Variants in OPCML observed in about 807,000 individuals in gnomAD.
OPCML encodes opioid-binding protein/cell adhesion molecule.
A neutral mutation model predicts 37.8 loss-of-function variants in OPCML; 13 were observed. That is an observed-to-expected ratio of 0.34 (90% CI 0.22 to 0.55). The LOEUF (loss-of-function observed/expected upper bound fraction) is 0.55. Among genes scored for constraint, OPCML ranks in the 20% least tolerant of loss-of-function variants. The probability of loss-of-function intolerance (pLI) is 0.91; values close to 1 mark genes in which losing one functional copy is unlikely to be tolerated. For missense variants in OPCML, 341 were observed against 435.6 expected (o/e 0.78, Z 1.93); for synonymous variants, 176 against 168.8 (o/e 1.04, Z -0.33).
intron 2 of OPCML, among the ~76,000 whole-genome samples, chr11:132,713,023 C>A (rs1944329310): frequency 6.6e-6 from 1 of 152,066 alleles, no homozygotes; most frequent in South Asian, 2.1e-4. Flanking sequence ...CTTTCCACAC[C>A]CCAACACAGG....
chr11:133,422,729 C>A (rs1468284579), intron 1 of OPCML: 1 of 977,698 alleles, frequency 1.0e-6, no homozygotes, highest in Non-Finnish European at 1.2e-6. Context: ...CTCATATTTC[C>A]AGTCTGTGTA....
At chr11:133,347,182 C>A (rs1944022371) in intron 1 of OPCML, among the ~76,000 whole-genome samples, 1 of 152,144 alleles carries the variant, frequency 6.6e-6, no homozygotes, top group Non-Finnish European at 1.5e-5. Context: ...TGTGCCTTTG[C>A]TTCAGTTTTA....
intron 1 of OPCML, among the ~76,000 whole-genome samples, chr11:132,959,948 G>A (rs1037198881): frequency 1.3e-5 from 2 of 152,096 alleles, no homozygotes; most frequent in South Asian, 2.1e-4. Flanking sequence ...ACTGTTACGG[G>A]GCAAAACTCC....
chr11:133,234,463 GTC>G (rs1163112089), intron 1 of OPCML, among the ~76,000 whole-genome samples: 1 of 152,214 alleles, frequency 6.6e-6, no homozygotes, highest in African/African-American at 2.4e-5. Flanking sequence ...AGGGAAGCAG[GTC>G]ATCCAGTGGA....
rs58278667 is a variant in OPCML at position 132,888,181 on chromosome 11, G to T, written c.146+54745C>A. Among the ~76,000 whole-genome samples, 53 of 152,310 alleles carry T rather than the reference G, an allele frequency of 3.5e-4. No homozygotes were observed. In the East Asian group the frequency reaches 9.3e-3, roughly 27 times the overall value. The stretch of plus-strand genomic sequence containing the variant: ...TGTAGACAGCCTGGTTTGACGTTCA[G>T]TTCCCTTTCTGTCACTAAGATGGCC... On this transcript the variant is annotated intron_variant, in intron 2 of 7. Coordinates refer to ENST00000524381, the MANE Select transcript of OPCML (RefSeq NM_001012393.5).
chr11:133,190,091 G>A (rs1380486143), intron 1 of OPCML, among the ~76,000 whole-genome samples: 1 of 152,168 alleles, frequency 6.6e-6, no homozygotes, highest in Non-Finnish European at 1.5e-5. Context: ...TAATCCTACA[G>A]ACAGTAGCAC....
At chr11:133,117,113 A>T (rs1050660006) in intron 1 of OPCML, among the ~76,000 whole-genome samples, 14 of 152,164 alleles carry the variant, frequency 9.2e-5, no homozygotes, top group Non-Finnish European at 1.6e-4. Flanking sequence ...ATTTAAAAAA[A>T]TTTTTAATAC....
At chr11:133,092,260 A>G (rs1948918225) in intron 1 of OPCML, among the ~76,000 whole-genome samples, 1 of 152,180 alleles carries the variant, frequency 6.6e-6, no homozygotes, top group South Asian at 2.1e-4. Context: ...TGAGAAATAA[A>G]TGTCTGTTGT....
At chr11:133,079,909 C>T (rs939279742) in intron 1 of OPCML, among the ~76,000 whole-genome samples, 3 of 152,212 alleles carry the variant, frequency 2.0e-5, no homozygotes, top group South Asian at 4.1e-4. Context: ...GGAAGATAGG[C>T]ATCACTCTCC....
At chr11:133,458,851 G>A (rs576817004) in intron 1 of OPCML, among the ~76,000 whole-genome samples, 6 of 146,712 alleles carry the variant, frequency 4.1e-5, no homozygotes, top group South Asian at 4.2e-4. Context: ...ATAGATGCAC[G>A]TGTGTGTGTA....
At chr11:132,993,980 T>G (rs75996174) in intron 1 of OPCML, among the ~76,000 whole-genome samples, 4,124 of 152,302 alleles carry the variant, frequency 0.027, 210 homozygotes, top group African/African-American at 0.095. Flanking sequence ...CTGAGTATTC[T>G]TCCCCGCATC....
intron 1 of OPCML, among the ~76,000 whole-genome samples, chr11:133,503,030 T>C (rs932255304): frequency 6.6e-6 from 1 of 152,130 alleles, no homozygotes; most frequent in African/African-American, 2.4e-5. Context: ...TTAATATTGA[T>C]GGGGCAGGAA....
chr11:132,553,614 A>G (rs2096387486), intron 3 of OPCML, among the ~76,000 whole-genome samples: 1 of 152,216 alleles, frequency 6.6e-6, no homozygotes, highest in Admixed American at 6.5e-5. Flanking sequence ...ATAATCAGGT[A>G]TTCTAGGCAG....
chr11:132,741,349 C>A (rs186008448), intron 2 of OPCML, among the ~76,000 whole-genome samples: 7 of 152,254 alleles, frequency 4.6e-5, no homozygotes, highest in Non-Finnish European at 1.5e-5. Flanking sequence ...TCTTAGCACA[C>A]CTAGGTTAAA....
intron 3 of OPCML, among the ~76,000 whole-genome samples, chr11:132,631,708 T>C (rs1243701065): frequency 1.3e-5 from 2 of 151,918 alleles, no homozygotes; most frequent in Non-Finnish European, 1.5e-5. Context: ...AAGAAAAATA[T>C]ATTCACATTT....
intron 1 of OPCML, among the ~76,000 whole-genome samples, chr11:133,354,034 G>A (rs1187380862): frequency 2.0e-5 from 3 of 152,126 alleles, no homozygotes; most frequent in African/African-American, 7.2e-5. Flanking sequence ...AAAGTAAGGT[G>A]TGAGCAAATC....
At chr11:133,373,632 TA>T (rs201795079) in intron 1 of OPCML, among the ~76,000 whole-genome samples, 8 of 140,064 alleles carry the variant, frequency 5.7e-5, no homozygotes, top group East Asian at 2.1e-4. Context: ...CTCAGAAACA[TA>T]AAAAAAAAGA....
chr11:133,185,168 A>G (rs1255835624), intron 1 of OPCML, among the ~76,000 whole-genome samples: 2 of 152,234 alleles, frequency 1.3e-5, no homozygotes, highest in Non-Finnish European at 2.9e-5. Context: ...CAATCTATCA[A>G]TCACTGTATT....
At chr11:132,949,638 C>T (rs1330284933) in intron 1 of OPCML, among the ~76,000 whole-genome samples, 1 of 152,122 alleles carries the variant, frequency 6.6e-6, no homozygotes, top group African/African-American at 2.4e-5. Context: ...AGAAAGAAAC[C>T]AATTTAAAAA....
Sources: gnomAD v4.1 joint callset for allele counts (sites outside exome capture counted in the v4.1 genomes callset) on GRCh38, gnomAD v4.1.1 for gene constraint, MANE v1.5 for transcripts, NCBI Gene and HGNC (gene_info 2026-07-23, HGNC 2026-07-21) for gene names.